TSPAN15: variants seen among roughly 807,000 people sequenced by gnomAD.
The protein encoded by TSPAN15 is tetraspanin 15.
A neutral mutation model predicts 34.5 loss-of-function variants in TSPAN15; 20 were observed. The ratio of observed to expected loss-of-function variants is 0.58; its 90% confidence interval spans 0.41 to 0.84. TSPAN15 has a LOEUF of 0.84. Ranked by LOEUF, TSPAN15 falls within the 40% of genes least tolerant of loss-of-function variation. The probability of loss-of-function intolerance (pLI) is 0.00; values close to 1 mark genes in which losing one functional copy is unlikely to be tolerated. For synonymous variants in TSPAN15, 155 were observed against 153.9 expected, an observed-to-expected ratio of 1.01 and a Z score of -0.05; for missense variants, 313 against 386.1, an observed-to-expected ratio of 0.81 and a Z score of 1.59.
intron 1 of TSPAN15, among the ~76,000 whole-genome samples, chr10:69,471,320 C>G (rs1307558204): frequency 6.6e-6 from 1 of 151,908 alleles, no homozygotes; most frequent in Non-Finnish European, 1.5e-5. Flanking sequence ...CACTGCCACT[C>G]TCTTGGGAGC....
At chr10:69,534,678 T>G in the TSPAN15 span, among the ~76,000 whole-genome samples, 2 of 152,060 alleles carry the variant, frequency 1.3e-5, no homozygotes, top group African/African-American at 2.4e-5. Context: ...TAGTAGATGT[T>G]AAATAGAAAC....
chr10:69,469,938 G>T (rs140131722), intron 1 of TSPAN15, among the ~76,000 whole-genome samples: 1 of 152,140 alleles, frequency 6.6e-6, no homozygotes, highest in Non-Finnish European at 1.5e-5. Flanking sequence ...ACACCCAGCT[G>T]GTCTCTCAAG....
intron 1 of TSPAN15, among the ~76,000 whole-genome samples, chr10:69,476,325 A>G (rs1016842165): frequency 6.6e-6 from 1 of 152,180 alleles, no homozygotes; most frequent in Non-Finnish European, 1.5e-5. Flanking sequence ...ACCTTAGAGT[A>G]TGACAGTGGG....
chr10:69,543,964 C>T, the TSPAN15 span, among the ~76,000 whole-genome samples: 2 of 150,374 alleles, frequency 1.3e-5, no homozygotes, highest in African/African-American at 4.9e-5. Flanking sequence ...GACATGGCCT[C>T]CTGCATACAG....
At chr10:69,458,116 C>T (rs1288966567) in intron 1 of TSPAN15, among the ~76,000 whole-genome samples, 1 of 152,206 alleles carries the variant, frequency 6.6e-6, no homozygotes, top group Non-Finnish European at 1.5e-5. Flanking sequence ...ATGACCTTTC[C>T]AGGCGCCATG....
At position 69,483,875 on chromosome 10, in the gene TSPAN15, CAGTG is replaced by C; in HGVS notation, c.282+4_282+7del. The C allele has an allele frequency of 6.2e-7, 1 of 1,612,808 alleles. No individual in the cohort carries two copies. Among genetic ancestry groups the C allele is most frequent in the South Asian group, 1.1e-5 (1 of 90,938 alleles). On this transcript the variant is annotated splice_donor_variant and splice_donor_region_variant and coding_sequence_variant and intron_variant, in exon 2 of 8. Transcript: ENST00000373290. LOFTEE classifies it high-confidence loss of function. ...CGTGACAACCTGTACCTTCTCCAAG[CAGTG>C]AGTGGACCACACCACCCCTCAGCCG...
chr10:69,543,050 G>A, the TSPAN15 span, among the ~76,000 whole-genome samples: 1 of 152,302 alleles, frequency 6.6e-6, no homozygotes, highest in Admixed American at 6.5e-5. Context: ...TTCATGGTTG[G>A]AGATACACAT....
At chr10:69,545,157 GCA>G in the TSPAN15 span, among the ~76,000 whole-genome samples, 1 of 152,206 alleles carries the variant, frequency 6.6e-6, no homozygotes, top group African/African-American at 2.4e-5. Flanking sequence ...CCCAAGGATG[GCA>G]CAGTGCTAGT....
chr10:69,460,016 G>GGAGATGAGATGAGATGAGAT (rs56801982), intron 1 of TSPAN15, among the ~76,000 whole-genome samples: 2 of 141,124 alleles, frequency 1.4e-5, no homozygotes, highest in Non-Finnish European at 3.1e-5. Flanking sequence ...GGGTAGTTGG[G>GGAGATGAGATGAGATGAGAT]GAGATGAGAT....
Position 69,498,299 on chromosome 10 carries a change from AGGACTACCGAGATT to A in TSPAN15, c.477_490del (p.Asp159GlufsTer107). 1.3e-6 allele frequency: 2 copies of A among 1,598,402 alleles called. No homozygotes were observed. Among genetic ancestry groups the A allele is most frequent in the Non-Finnish European group, 1.7e-6 (2 of 1,174,248 alleles). On this transcript the variant is annotated frameshift_variant, in exon 5 of 8. Coordinates refer to ENST00000373290, the MANE Select transcript of TSPAN15 (RefSeq NM_012339.5). LOFTEE classifies it high-confidence loss of function. ...CCTCAGTTCAAGTGCTGTGGCGGGGAGGACTACCGAGATTGGAGCAAGAATCAGTACCACGACTG... is the reference window on the plus strand; with the variant it reads ...CCTCAGTTCAAGTGCTGTGGCGGGGAGGAGCAAGAATCAGTACCACGACTG...
chr10:69,485,776 TGG>T (rs11353022), intron 3 of TSPAN15, among the ~76,000 whole-genome samples: 1 of 147,668 alleles, frequency 6.8e-6, no homozygotes, highest in South Asian at 2.1e-4. Context: ...TGGGAGGCTG[TGG>T]GGGGTCATCC....
At chr10:69,455,611 TCTCTCTCTCTCTCTCCCCCCCCCGTC>T (rs1564595624) in intron 1 of TSPAN15, among the ~76,000 whole-genome samples, 205 of 103,492 alleles carry the variant, frequency 2.0e-3, no homozygotes, top group Non-Finnish European at 2.4e-3. Flanking sequence ...TTTCTTTCTC[TCTCTCTCTCTCTCTCCCCCCCCCGTC>T]TCTTTCTTTC....
At position 69,480,661 on chromosome 10, in the gene TSPAN15, G is replaced by A. The variant is rs541804477; in HGVS notation, c.97-3030G>A. 2.0e-5 allele frequency among the ~76,000 whole-genome samples: 3 copies of A among 152,296 alleles called. No homozygotes were observed. In the South Asian group the frequency reaches 6.2e-4, roughly 32 times the overall value. ...TAGTGAGTGATTCCTCATGGGTGGA[G>A]TCACTGAGGAAGGGGACTTGGCCTT... On this transcript the variant is annotated intron_variant, in intron 1 of 7. Transcript: ENST00000373290.
chr10:69,526,071 C>A, the TSPAN15 span, among the ~76,000 whole-genome samples: 1 of 145,634 alleles, frequency 6.9e-6, no homozygotes. Flanking sequence ...CCAAACAAGC[C>A]CGGATAAGAT....
chr10:69,538,191 G>A, the TSPAN15 span, among the ~76,000 whole-genome samples: 1 of 152,272 alleles, frequency 6.6e-6, no homozygotes, highest in Admixed American at 6.5e-5. Flanking sequence ...AGGAATGGAG[G>A]GGGGAAACAA....
the TSPAN15 span, among the ~76,000 whole-genome samples, chr10:69,517,834 G>A: frequency 3.3e-5 from 5 of 152,166 alleles, no homozygotes; most frequent in African/African-American, 9.7e-5. Flanking sequence ...CCAATGCCCT[G>A]TGGAAATAAC....
chr10:69,506,791 C>G lies in TSPAN15; in HGVS notation c.736-38C>G. On this transcript the variant is annotated intron_variant, in intron 7 of 7. Transcript: ENST00000373290. This position sits in a 1 kb window ranked among gnomAD's most constrained non-coding sequence, Gnocchi z 4.7. ...AGCTGCAGGGAGGGCTGCCCTGATT[C>G]CCAGCAGGCCCTCACCAGCCCTGCC... is the stretch of plus-strand genomic sequence containing the variant. 1 of 1,548,424 alleles carries G rather than the reference C, an allele frequency of 6.5e-7. No homozygotes were observed. The highest frequency in any genetic ancestry group is 8.7e-7 in the Non-Finnish European group (1 of 1,144,256).
chr10:69,500,925 T>C (rs1367942506), intron 5 of TSPAN15, among the ~76,000 whole-genome samples: 2 of 152,166 alleles, frequency 1.3e-5, no homozygotes, highest in African/African-American at 4.8e-5. Context: ...AGACAGATGC[T>C]TGGAGCTGGG....
chr10:69,474,924 G>A (rs2133095055), intron 1 of TSPAN15, among the ~76,000 whole-genome samples: 1 of 152,260 alleles, frequency 6.6e-6, no homozygotes, highest in South Asian at 2.1e-4. Context: ...CTGACCTCTG[G>A]CTACTGAGTC....
Sources: gnomAD v4.1 joint callset for allele counts (sites outside exome capture counted in the v4.1 genomes callset) on GRCh38, gnomAD v4.1.1 for gene constraint, Gnocchi (gnomAD v3.1) non-coding constraint, MANE v1.5 for transcripts, NCBI Gene and HGNC (gene_info 2026-07-23, HGNC 2026-07-21) for gene names.